The following ACTR2 variants were observed in gnomAD, a reference collection of about 807,000 sequenced individuals.
The protein encoded by ACTR2 is actin related protein 2.
Under a neutral mutation model 50.2 loss-of-function variants are expected in ACTR2, and 5 were observed. The observed-to-expected ratio is 0.10, with a 90% CI of 0.05 to 0.21. The LOEUF is 0.21. Ranked by LOEUF, ACTR2 falls within the 10% of genes least tolerant of loss-of-function variation. The pLI, the probability that ACTR2 is intolerant of heterozygous loss-of-function variation, is 1.00. For missense variants in ACTR2, 180 were observed against 480.6 expected (o/e 0.37, Z 5.85); for synonymous variants, 140 against 162.9 (o/e 0.86, Z 1.07).
intron 6 of ACTR2, among the ~76,000 whole-genome samples, chr2:65,257,106 C>G (rs901110810): frequency 1.3e-5 from 2 of 151,986 alleles, no homozygotes; most frequent in African/African-American, 2.4e-5. Context: ...CCTTGCCGCC[C>G]CCCACCCAAC....
At position 65,268,673 on chromosome 2, in the gene ACTR2, G is replaced by T; in HGVS notation, c.1124G>T (p.Arg375Leu). 1.2e-6 allele frequency: 2 copies of T among 1,614,002 alleles called. No homozygotes were observed. The highest frequency in any genetic ancestry group is 8.5e-7 in the Non-Finnish European group (1 of 1,179,928). ...GACAAAGACAACTTTTGGATGACCC[G>T]ACAAGAGTACCAAGAAAAGGGTGTC... ...MKDKDNFWMT[R>L]QEYQEKGVRV... Residue 375 changes from arginine (R) to leucine (L), a missense_variant, in exon 9 of 9, where the codon CGA (arginine) becomes CTA (leucine). By Grantham distance (102) the Arg-to-Leu change is moderately radical. Transcript: ENST00000260641.
At chr2:65,241,664 AC>A (rs1671842883) in intron 2 of ACTR2, among the ~76,000 whole-genome samples, 3 of 152,248 alleles carry the variant, frequency 2.0e-5, no homozygotes, top group South Asian at 4.1e-4. Context: ...CACTCTGCCT[AC>A]TCAGCTAGAC....
rs1371331894 is a variant in ACTR2 at position 65,269,844 on chromosome 2, T to A, written c.*1110T>A. On this transcript the variant is annotated 3_prime_UTR_variant, in exon 9 of 9. Transcript: ENST00000260641. ...TGGGTAATTTTCATTAGTTGTTTTG[T>A]TTGTTTTGATTTGAAACCTGGAAAT... is the stretch of plus-strand genomic sequence containing the variant. The A allele has an allele frequency of 1.3e-5, 2 of 152,228 alleles. No individual in the cohort carries two copies. Among genetic ancestry groups the A allele is most frequent in the Non-Finnish European group, 2.9e-5 (2 of 68,036 alleles). 9.4% of individuals were successfully genotyped at this position (152,228 alleles called of 1,614,324 possible).
intron 6 of ACTR2, among the ~76,000 whole-genome samples, chr2:65,260,729 C>CTTTT (rs34258160): frequency 1.5e-5 from 2 of 132,150 alleles, no homozygotes. Flanking sequence ...CGTGGCATAC[C>CTTTT]TTTTTTTTTT....
chr2:65,232,798 C>G (rs1671664844), intron 1 of ACTR2, among the ~76,000 whole-genome samples: 1 of 152,172 alleles, frequency 6.6e-6, no homozygotes, highest in Non-Finnish European at 1.5e-5. Context: ...TTAAACCACA[C>G]TGCTGTGAAG....
intron 3 of ACTR2, among the ~76,000 whole-genome samples, chr2:65,250,343 G>A (rs1385958115): frequency 1.4e-4 from 20 of 140,972 alleles, no homozygotes; most frequent in African/African-American, 4.3e-4. Flanking sequence ...CAGCCTGGGC[G>A]ACAGAGCAAG....
At position 65,251,131 on chromosome 2, in the gene ACTR2, T is replaced by G. The variant is rs75758611; in HGVS notation, c.448+32T>G. On this transcript the variant is annotated intron_variant, in intron 4 of 8. Coordinates refer to ENST00000260641, the MANE Select transcript of ACTR2 (RefSeq NM_005722.4). ...TAAGCTTAACTGTTAGAAAAAACAC[T>G]TCATCAAACATTTATTATGTATGTT... 0.011 allele frequency: 16,124 copies of G among 1,462,378 alleles called. 1,451 individuals are homozygous for G. In the African/African-American group the frequency reaches 0.2, roughly 18 times the overall value. The allele number at this position is 1,462,378 out of a possible 1,614,324, so 90.6% of individuals were successfully genotyped here.
Position 65,266,565 on chromosome 2 carries a change from G to A in ACTR2, c.1014+1390G>A, listed in dbSNP as rs558977173. On this transcript the variant is annotated intron_variant, in intron 8 of 8. Coordinates refer to ENST00000260641, the MANE Select transcript of ACTR2 (RefSeq NM_005722.4). ...AATGGAAAGTCTTGGGTGTGGGGGCGGTTTAAGCAGAGAAATGATAGGATC... is the reference window on the plus strand; with the variant it reads ...AATGGAAAGTCTTGGGTGTGGGGGCAGTTTAAGCAGAGAAATGATAGGATC... Among the ~76,000 whole-genome samples the A allele has an allele frequency of 2.0e-5, 3 of 152,042 alleles. No homozygotes were observed. In the South Asian group the frequency reaches 6.2e-4, roughly 32 times the overall value.
chr2:65,258,439 G>A lies in ACTR2; in HGVS notation c.735+2745G>A, dbSNP rs141941781. On this transcript the variant is annotated intron_variant, in intron 6 of 8. Coordinates refer to ENST00000260641, the MANE Select transcript of ACTR2 (RefSeq NM_005722.4). ...AAAAAAATACAAAAATTTGCCAGGC[G>A]TAGTGGCACGTGCCTGTAGTCCTAG... 3.1e-4 allele frequency among the ~76,000 whole-genome samples: 47 copies of A among 152,084 alleles called. No individual in the cohort carries two copies. In the East Asian group the frequency reaches 7.2e-3, roughly 23 times the overall value.
At chr2:65,239,386 G>A (rs547115923) in intron 1 of ACTR2, among the ~76,000 whole-genome samples, 27 of 152,210 alleles carry the variant, frequency 1.8e-4, no homozygotes, top group African/African-American at 6.0e-4. Flanking sequence ...CCCAGGAGGC[G>A]GAGGTTGCAG....
At chr2:65,260,389 C>T (rs1402400186) in intron 6 of ACTR2, among the ~76,000 whole-genome samples, 4 of 152,052 alleles carry the variant, frequency 2.6e-5, no homozygotes, top group Non-Finnish European at 2.9e-5. Context: ...GCCTGTAATC[C>T]GAGCTACTCA....
chr2:65,255,436 G>T (rs1226147241), intron 5 of ACTR2, 109 bp from the exon 6 acceptor site: 1 of 907,544 alleles, frequency 1.1e-6, no homozygotes, highest in Admixed American at 2.6e-5. Context: ...AGGATCCACT[G>T]CCCATTCTGT....
intron 3 of ACTR2, among the ~76,000 whole-genome samples, chr2:65,249,849 T>G (rs116521469): frequency 0.012 from 1,859 of 152,328 alleles, 31 homozygotes; most frequent in African/African-American, 0.043. Flanking sequence ...AAGTAGGGAC[T>G]GGGCTCAGCA....
chr2:65,252,374 C>T (rs1672069873), intron 4 of ACTR2, among the ~76,000 whole-genome samples: 1 of 152,028 alleles, frequency 6.6e-6, no homozygotes, highest in African/African-American at 2.4e-5. Flanking sequence ...GGTGTGGTGG[C>T]TCACGCCTGT....
chr2:65,260,890 C>G (rs898762152), intron 6 of ACTR2, among the ~76,000 whole-genome samples: 1 of 151,858 alleles, frequency 6.6e-6, no homozygotes, highest in Admixed American at 6.6e-5. Flanking sequence ...GCCACCACAC[C>G]CGGCTAATTT....
At chr2:65,247,915 G>A (rs2103998684) in intron 3 of ACTR2, among the ~76,000 whole-genome samples, 1 of 152,294 alleles carries the variant, frequency 6.6e-6, no homozygotes. Flanking sequence ...TGTTTAAACA[G>A]ACAGGGTAAG....
chr2:65,240,811 T>C (rs1671827985), intron 2 of ACTR2, among the ~76,000 whole-genome samples: 1 of 152,196 alleles, frequency 6.6e-6, no homozygotes, highest in South Asian at 2.1e-4. Flanking sequence ...GGATAGTCTT[T>C]AGCAAGCCTT....
chr2:65,242,186 A>T (rs1671850148), intron 2 of ACTR2: 1 of 708,658 alleles, frequency 1.4e-6, no homozygotes, highest in Admixed American at 2.2e-5. Flanking sequence ...TATTTTAAGT[A>T]CTTTGATTTT....
rs1672435586 is a variant in ACTR2 at position 65,268,942 on chromosome 2, A to G, written c.*208A>G. ...GAGTTTAATTCAACTGCTTCCCTAC[A>G]TAGACTAGAGGGCTAAGGATTCTGT... On this transcript the variant is annotated 3_prime_UTR_variant, in exon 9 of 9. Coordinates refer to ENST00000260641, the MANE Select transcript of ACTR2 (RefSeq NM_005722.4). The G allele has an allele frequency of 1.9e-6, 1 of 523,002 alleles. No homozygotes were observed. The highest frequency in any genetic ancestry group is 1.9e-5 in the African/African-American group (1 of 51,972). 32.4% of individuals were successfully genotyped at this position (523,002 alleles called of 1,614,324 possible). A position where few individuals can be genotyped will look rare whatever the true frequency, so the allele number is the denominator to read the frequency against.
Sources: allele counts gnomAD v4.1 joint callset (sites outside exome capture counted in the v4.1 genomes callset), GRCh38; gene constraint gnomAD v4.1.1; transcripts MANE v1.5; gene names NCBI Gene and HGNC (gene_info 2026-07-23, HGNC 2026-07-21).